The following ABCA7 variants were observed in gnomAD, a reference collection of about 807,000 sequenced individuals.
ABCA7 encodes phospholipid-transporting ATPase ABCA7.
In ABCA7, 261 loss-of-function variants were observed where a neutral mutation model predicts 227.6. The observed-to-expected ratio is 1.15, with a 90% confidence interval of 1.04 to 1.27. The LOEUF is 1.27. Among genes scored for constraint, ABCA7 ranks in the 50% most tolerant of loss-of-function variants. The pLI is 0.00. For synonymous variants in ABCA7, 1,488 were observed against 1,279.7 expected, an observed-to-expected ratio of 1.16 and a Z score of -3.47; for missense variants, 3,331 against 2,924.5, an observed-to-expected ratio of 1.14 and a Z score of -3.21.
chr19:1,053,298 G>A (rs745725636), intron 23 of ABCA7, 31 bp from the exon 24 acceptor site: 2 of 1,594,144 alleles, frequency 1.3e-6, no homozygotes, highest in Non-Finnish European at 1.7e-6. Flanking sequence ...CGTGAGCCGG[G>A]GCTCCCTGAA....
chr19:1,060,514 G>A (rs1193775590), intron 40 of ABCA7, among the ~76,000 whole-genome samples: 1 of 144,134 alleles, frequency 6.9e-6, no homozygotes, highest in Non-Finnish European at 1.5e-5. Flanking sequence ...CCCGGCCTTT[G>A]TTTTTTTCTT....
intron 10 of ABCA7, among the ~76,000 whole-genome samples, chr19:1,044,250 T>TA (rs2040373965): frequency 7.2e-6 from 1 of 139,588 alleles, no homozygotes; most frequent in African/African-American, 2.7e-5. Context: ...TTTTTTTTTT[T>TA]TTTTTTTTTT....
At chr19:1,042,926 G>C (rs1356021374) in intron 7 of ABCA7, 100 bp downstream of exon 7, 1 of 1,510,298 alleles carries the variant, frequency 6.6e-7, no homozygotes, top group Non-Finnish European at 8.9e-7. Context: ...CCTTGGGTGG[G>C]TTTTCAGGAG....
chr19:1,051,495 C>A lies in ABCA7; in HGVS notation c.2871C>A (p.Gly957=), dbSNP rs749135040. The change falls in exon 21 of 47, where the codon GGC becomes GGA. Residue 957 remains glycine (G), a synonymous_variant. Coordinates refer to ENST00000263094, the MANE Select transcript of ABCA7 (RefSeq NM_019112.4). ...CCGTGGCCATTGCCTTTGTGGGCGG[C>A]TCCCAAGTTGTTATCCTGGACGAGC... is the stretch of plus-strand genomic sequence containing the variant. ...KLSVAIAFVG[G]SQVVILDEPT... 1 of 1,611,262 alleles carries A rather than the reference C, an allele frequency of 6.2e-7. No individual in the cohort carries two copies. Among genetic ancestry groups the A allele is most frequent in the Non-Finnish European group, 8.5e-7 (1 of 1,179,400 alleles).
intron 42 of ABCA7, among the ~76,000 whole-genome samples, chr19:1,063,307 C>T (rs4147925): frequency 0.47 from 14,552 of 30,644 alleles, 5,142 homozygotes; most frequent in Middle Eastern, 0.67. Context: ...TGCCCCACAC[C>T]CATCCCAGCT....
In ABCA7 at chr19:1,044,577, C is replaced by A. The variant is rs771187987; in HGVS notation, c.1048C>A (p.Arg350=). Residue 350 remains arginine, a splice_region_variant and synonymous_variant, in exon 11 of 47, where the codon CGG becomes AGG. Transcript: ENST00000263094. ...TCTCACTTTCACCTGCGCCCCCCAG[C>A]GGCTCCTGCAGATGCAGGATGAAGG... ...NDSSNVAMLQ[R]LLQMQDEGRR... is the part of the protein sequence containing the mutation. 1.2e-6 allele frequency: 2 copies of A among 1,610,250 alleles called. No individual in the cohort carries two copies. Among genetic ancestry groups the A allele is most frequent in the Non-Finnish European group, 1.7e-6 (2 of 1,178,370 alleles).
intron 21 of ABCA7, 45 bp from the exon 22 acceptor site, chr19:1,051,897 A>T: frequency 1.9e-6 from 3 of 1,594,578 alleles, no homozygotes. Flanking sequence ...TCGGGCAAAG[A>T]CGCGGCGGCC....
chr19:1,047,255 C>T lies in ABCA7; in HGVS notation c.1944C>T (p.Ala648=). 4 of 1,607,450 alleles carry T rather than the reference C, an allele frequency of 2.5e-6. No individual in the cohort carries two copies. Among genetic ancestry groups the T allele is most frequent in the East Asian group, 2.2e-5 (1 of 44,852 alleles). Residue 648 remains alanine (A), a synonymous_variant, in exon 15 of 47, where the codon GCC becomes GCT. Coordinates refer to ENST00000263094, the MANE Select transcript of ABCA7 (RefSeq NM_019112.4). ...ATVTQSFLLS[A]FFSRANLAAA... ...TGACCCAGAGCTTCCTGCTCAGCGC[C>T]TTCTTCTCCCGCGCCAACCTGGCTG...
rs749089061 is a variant in ABCA7 at position 1,045,163 on chromosome 19, C to T, written c.1377C>T (p.Pro459=). 6 of 1,611,010 alleles carry T rather than the reference C, an allele frequency of 3.7e-6. No individual in the cohort carries two copies. The highest frequency in any genetic ancestry group is 1.3e-5 in the African/African-American group (1 of 74,862). ...AGCACCCAACCCCAGACCTGGGCCCCGGCCACGTGCGCATCAAAATCCGCA... is the reference window on the plus strand; with the variant it reads ...AGCACCCAACCCCAGACCTGGGCCCTGGCCACGTGCGCATCAAAATCCGCA... The part of the protein sequence containing the change: ...PTEHPTPDLG[P]GHVRIKIRMD... Residue 459 remains proline (P), a synonymous_variant, in exon 12 of 47, where the codon CCC becomes CCT. Coordinates refer to ENST00000263094, the MANE Select transcript of ABCA7 (RefSeq NM_019112.4).
At position 1,046,237 on chromosome 19, in the gene ABCA7, G is replaced by T. The variant is rs1228663924; in HGVS notation, c.1453G>T (p.Asp485Tyr). The T allele has an allele frequency of 6.2e-7, 1 of 1,606,874 alleles. No homozygotes were observed. Among genetic ancestry groups the T allele is most frequent in the African/African-American group, 1.3e-5 (1 of 75,014 alleles). ...RTNKIRDRFW[D>Y]PGPAADPLTD... is the part of the protein sequence containing the mutation. ...ACCATGCCCCTCTCGCAGGTTTTGGGACCCTGGCCCAGCCGCGGACCCCCT... is the reference window on the plus strand; with the variant it reads ...ACCATGCCCCTCTCGCAGGTTTTGGTACCCTGGCCCAGCCGCGGACCCCCT... The change falls in exon 13 of 47, where the codon GAC becomes TAC. Residue 485 changes from aspartate to tyrosine, a missense_variant. Asp to Tyr is a radical substitution (Grantham distance 160, BLOSUM62 -3). Coordinates refer to ENST00000263094, the MANE Select transcript of ABCA7 (RefSeq NM_019112.4).
In ABCA7 at chr19:1,043,403, T is replaced by C. The variant is rs747223258; in HGVS notation, c.860T>C (p.Leu287Pro). 7 of 1,613,236 alleles carry C rather than the reference T, an allele frequency of 4.3e-6. No homozygotes were observed. Among genetic ancestry groups the C allele is most frequent in the Non-Finnish European group, 5.9e-6 (7 of 1,180,030 alleles). Residue 287 changes from leucine (L) to proline (P), a missense_variant, in exon 9 of 47, where the codon CTG becomes CCG. Coordinates refer to ENST00000263094, the MANE Select transcript of ABCA7 (RefSeq NM_019112.4). ...CTGTCCCGCCTGCTCTGGAGACGCC[T>C]GAAGCCTCTGATCCTCGGGAAGCTA... ...HPLSRLLWRR[L>P]KPLILGKLLF...
At chr19:1,043,862 G>A in intron 10 of ABCA7, 21 bp downstream of exon 10, 1 of 1,609,330 alleles carries the variant, frequency 6.2e-7, no homozygotes, top group Non-Finnish European at 8.5e-7. Flanking sequence ...GTGCTGGGGA[G>A]GTGGGATGTG....
In ABCA7 at chr19:1,058,624, G is replaced by A; in HGVS notation, c.5156G>A (p.Arg1719Lys). 2 of 1,613,826 alleles carry A rather than the reference G, an allele frequency of 1.2e-6. No individual in the cohort carries two copies. Among genetic ancestry groups the A allele is most frequent in the Non-Finnish European group, 1.7e-6 (2 of 1,179,978 alleles). ...MADAFERLGD[R>K]QFQSPLRWEV... is the part of the protein sequence containing the mutation. ...CTCCTTTCTATATCCACAGGAGACA[G>A]GCAGTTCCAGTCACCCCTGCGCTGG... The change falls in exon 38 of 47, where the codon AGG (arginine) becomes AAG (lysine). Residue 1719 changes from arginine to lysine, a missense_variant. Physicochemically the swap from Arg to Lys is conservative, Grantham distance 26. Transcript: ENST00000263094.
chr19:1,062,359 C>G (rs778147320), intron 42 of ABCA7, 46 bp downstream of exon 42: 1 of 1,586,320 alleles, frequency 6.3e-7, no homozygotes, highest in Admixed American at 1.7e-5. Flanking sequence ...AGGGCCCACC[C>G]GACCCAGGCC....
intron 31 of ABCA7, 38 bp downstream of exon 31, chr19:1,055,977 TC>T: frequency 6.4e-7 from 1 of 1,571,292 alleles, no homozygotes; most frequent in Non-Finnish European, 8.6e-7. Context: ...CTGCCCCAGT[TC>T]CACTCCCATG....
intron 16 of ABCA7, among the ~76,000 whole-genome samples, chr19:1,048,400 G>A (rs987344007): frequency 1.1e-4 from 16 of 149,704 alleles, no homozygotes; most frequent in Non-Finnish European, 1.9e-4. Flanking sequence ...GAAGGCAGAG[G>A]CAGGAGAAAT....
In ABCA7 at chr19:1,046,891, GGGAGAAGGAGACGC is replaced by G. The variant is rs1191411492; in HGVS notation, c.1715_1728del (p.Glu572AlafsTer187). ...ACACTGACAGTGAAGGCCGTGGTGC[GGGAGAAGGAGACGC>G]GGCTGCGGGACACCATGCGCGCCAT... On this transcript the variant is annotated frameshift_variant, in exon 14 of 47. Coordinates refer to ENST00000263094, the MANE Select transcript of ABCA7 (RefSeq NM_019112.4). LOFTEE classifies it high-confidence loss of function. 1.4e-5 allele frequency: 21 copies of G among 1,551,640 alleles called. No homozygotes were observed. In the Middle Eastern group the frequency reaches 1.7e-3, roughly 123 times the overall value.
At chr19:1,063,713 T>C in intron 43 of ABCA7, 35 bp downstream of exon 43, 1 of 1,558,290 alleles carries the variant, frequency 6.4e-7, no homozygotes, top group Non-Finnish European at 8.7e-7. Context: ...GGGTGGGGCC[T>C]GCGACGGAGG....
At chr19:1,045,499 G>A (rs985489948) in intron 12 of ABCA7, 8 of 487,032 alleles carry the variant, frequency 1.6e-5, no homozygotes, top group Non-Finnish European at 2.6e-5. Context: ...GGAGCCAGGT[G>A]TATTATTAGG....
Sources: gnomAD v4.1 joint callset for allele counts (sites outside exome capture counted in the v4.1 genomes callset) on GRCh38, gnomAD v4.1.1 for gene constraint, MANE v1.5 for transcripts, NCBI Gene and HGNC (gene_info 2026-07-23, HGNC 2026-07-21) for gene names.